Variants in RNLS observed in about 807,000 individuals in gnomAD.
RNLS encodes the protein renalase.
In RNLS, 39 loss-of-function variants were observed where a neutral mutation model predicts 39.8. The observed-to-expected ratio is 0.98, with a 90% CI of 0.76 to 1.28. The LOEUF (loss-of-function observed/expected upper bound fraction) is 1.28. Ranked by LOEUF, RNLS falls within the 50% of genes most tolerant of loss-of-function variation. The probability of loss-of-function intolerance (pLI) is 0.00; values close to 1 mark genes in which losing one functional copy is unlikely to be tolerated. For missense variants in RNLS, 410 were observed against 413.3 expected, an observed-to-expected ratio of 0.99 and a Z score of 0.07; for synonymous variants, 147 against 150.7, an observed-to-expected ratio of 0.98 and a Z score of 0.18.
downstream of RNLS, among the ~76,000 whole-genome samples, chr10:88,280,428 G>A (rs1589449937): frequency 1.3e-5 from 2 of 152,300 alleles, no homozygotes; most frequent in Non-Finnish European, 2.9e-5. Flanking sequence ...GACCAGACGT[G>A]TGGATCAAAG....
At chr10:88,239,913 C>T in the RNLS span, among the ~76,000 whole-genome samples, 1 of 152,084 alleles carries the variant, frequency 6.6e-6, no homozygotes, top group Non-Finnish European at 1.5e-5. Flanking sequence ...GGGTCCAGTG[C>T]CTTGGGCACA....
intron 4 of RNLS, among the ~76,000 whole-genome samples, chr10:88,364,160 T>C (rs1427266780): frequency 6.6e-6 from 1 of 152,174 alleles, no homozygotes; most frequent in Non-Finnish European, 1.5e-5. Context: ...AAGGTCATAG[T>C]TCTGTTCTGC....
At chr10:88,216,258 C>T in the RNLS span, among the ~76,000 whole-genome samples, 5 of 152,146 alleles carry the variant, frequency 3.3e-5, no homozygotes, top group Admixed American at 6.5e-5. Context: ...AGGAAAGTAG[C>T]GTTTGCTCAA....
chr10:88,566,106 A>G (rs2134412800), intron 4 of RNLS, among the ~76,000 whole-genome samples: 1 of 152,210 alleles, frequency 6.6e-6, no homozygotes, highest in East Asian at 1.9e-4. Flanking sequence ...GATTATTCAA[A>G]AAATCGTAAA....
chr10:88,283,846 A>G (rs1476639158), downstream of RNLS, among the ~76,000 whole-genome samples: 1 of 152,126 alleles, frequency 6.6e-6, no homozygotes, highest in South Asian at 2.1e-4. Flanking sequence ...ATCAGGAAAA[A>G]TAACTAATGG....
intron 4 of RNLS, among the ~76,000 whole-genome samples, chr10:88,393,564 C>A (rs950815652): frequency 2.0e-5 from 3 of 152,190 alleles, no homozygotes; most frequent in African/African-American, 7.2e-5. Context: ...AATGGAAGAA[C>A]ATTCCATGCT....
At position 88,376,462 on chromosome 10, in the gene RNLS, T is replaced by C. The variant is rs150227056; in HGVS notation, c.527-13737A>G. 3.6e-3 allele frequency among the ~76,000 whole-genome samples: 548 copies of C among 152,330 alleles called. 2 individuals carry two copies. The highest frequency in any genetic ancestry group is 6.6e-3 in the Non-Finnish European group (448 of 68,018). ...TGAGTCAATGTCGCTTTGAGAAATT[T>C]AACTTTTTAATTTGCTAACTTGGTG... On this transcript the variant is annotated intron_variant, in intron 4 of 6. Coordinates refer to ENST00000331772, the MANE Select transcript of RNLS (RefSeq NM_001031709.3).
the RNLS span, among the ~76,000 whole-genome samples, chr10:88,251,304 G>T: frequency 0.012 from 1,892 of 152,336 alleles, 35 homozygotes; most frequent in African/African-American, 0.041. Context: ...GCACCAGGAA[G>T]GTGCTCAGTA....
At position 88,341,086 on chromosome 10, in the gene RNLS, T is replaced by C. The variant is rs951175871; in HGVS notation, c.700+21466A>G. Among the ~76,000 whole-genome samples the C allele has an allele frequency of 2.2e-4, 31 of 141,734 alleles. 1 individual carries two copies. The Admixed American group carries it at 2.2e-3, about 10-fold the overall frequency. 93.0% of individuals were successfully genotyped at this position (141,734 alleles called of 152,430 possible). On this transcript the variant is annotated intron_variant, in intron 5 of 6. Coordinates refer to ENST00000331772, the MANE Select transcript of RNLS (RefSeq NM_001031709.3). ...AAAAAAAAAAACAAAAAACAGCAAT[T>C]TGGGAGGCCTAGGCGGGCGGATCAC...
At chr10:88,268,381 T>A in the RNLS span, among the ~76,000 whole-genome samples, 1 of 152,196 alleles carries the variant, frequency 6.6e-6, no homozygotes, top group Admixed American at 6.5e-5. Context: ...CCTTCAAAGA[T>A]GTGCTACCAT....
intron 4 of RNLS, among the ~76,000 whole-genome samples, chr10:88,559,710 C>T (rs935029790): frequency 6.6e-5 from 8 of 120,516 alleles, no homozygotes; most frequent in Non-Finnish European, 1.0e-4. Flanking sequence ...CCTACATATA[C>T]GAGGCACTCA....
the RNLS span, among the ~76,000 whole-genome samples, chr10:88,248,163 T>A: frequency 6.6e-6 from 1 of 152,248 alleles, no homozygotes; most frequent in African/African-American, 2.4e-5. Flanking sequence ...TTTTCCCTTA[T>A]TAAGTGATGT....
At chr10:88,256,471 G>T in the RNLS span, among the ~76,000 whole-genome samples, 4 of 152,208 alleles carry the variant, frequency 2.6e-5, no homozygotes, top group African/African-American at 9.7e-5. Context: ...TTCCAGTTAA[G>T]GTCGGCGGGA....
intron 3 of RNLS, among the ~76,000 whole-genome samples, chr10:88,578,478 T>C (rs1850337007): frequency 6.6e-6 from 1 of 152,022 alleles, no homozygotes; most frequent in Admixed American, 6.6e-5. Context: ...GATATAATTA[T>C]AAAATTAAAA....
intron 4 of RNLS, among the ~76,000 whole-genome samples, chr10:88,537,954 T>A (rs561611109): frequency 1.1e-4 from 16 of 152,012 alleles, no homozygotes; most frequent in African/African-American, 3.4e-4. Context: ...CAAATCAGGG[T>A]TCCCCAGGGG....
At chr10:88,417,997 TA>T (rs1439127411) in intron 4 of RNLS, among the ~76,000 whole-genome samples, 3 of 152,004 alleles carry the variant, frequency 2.0e-5, no homozygotes, top group African/African-American at 7.2e-5. Context: ...TTAAAATACA[TA>T]AAAATATTCA....
chr10:88,575,159 T>TATATATATATATATAC (rs1386414416), intron 3 of RNLS, among the ~76,000 whole-genome samples: 1 of 43,388 alleles, frequency 2.3e-5, no homozygotes, highest in African/African-American at 8.7e-5. Context: ...TATATATATA[T>TATATATATATATATAC]ACACACACAC....
At chr10:88,435,278 A>G (rs1855400726) in intron 4 of RNLS, among the ~76,000 whole-genome samples, 1 of 152,068 alleles carries the variant, frequency 6.6e-6, no homozygotes, top group Non-Finnish European at 1.5e-5. Flanking sequence ...CCAAACCTAG[A>G]GGGAAAGTTT....
At chr10:88,418,959 G>T (rs1854210811) in intron 4 of RNLS, among the ~76,000 whole-genome samples, 1 of 152,116 alleles carries the variant, frequency 6.6e-6, no homozygotes, top group Non-Finnish European at 1.5e-5. Flanking sequence ...TAATGACTTT[G>T]CTCTGAGAGC....
Sources: gnomAD v4.1 joint callset for allele counts (sites outside exome capture counted in the v4.1 genomes callset) on GRCh38, gnomAD v4.1.1 for gene constraint, MANE v1.5 for transcripts, NCBI Gene and HGNC (gene_info 2026-07-23, HGNC 2026-07-21) for gene names.